Variants in CAMK4 observed in about 807,000 individuals in gnomAD.
CAMK4 encodes the protein calcium/calmodulin dependent protein kinase IV, also known as calcium/calmodulin-dependent protein kinase type IV.
In CAMK4, 22 loss-of-function variants were observed where a neutral mutation model predicts 44.9. The observed-to-expected ratio is 0.49, with a 90% CI of 0.35 to 0.70. The LOEUF (loss-of-function observed/expected upper bound fraction) is 0.70. Ranked by LOEUF, CAMK4 falls within the 30% of genes least tolerant of loss-of-function variation. The probability of loss-of-function intolerance (pLI) is 0.01; values close to 1 mark genes in which losing one functional copy is unlikely to be tolerated. For missense variants in CAMK4, 498 were observed against 586.8 expected (o/e 0.85, Z 1.56); for synonymous variants, 218 against 215.4 (o/e 1.01, Z -0.11).
intron 5 of CAMK4, among the ~76,000 whole-genome samples, chr5:111,430,119 A>G (rs1001605926): frequency 2.6e-5 from 4 of 152,232 alleles, no homozygotes; most frequent in African/African-American, 4.8e-5. Context: ...GTAATCCATC[A>G]TGACCAACTG....
At chr5:111,355,808 C>G (rs1342866675) in intron 2 of CAMK4, among the ~76,000 whole-genome samples, 2 of 149,314 alleles carry the variant, frequency 1.3e-5, no homozygotes, top group African/African-American at 4.9e-5. Flanking sequence ...CAATTTCATC[C>G]ATGTCCCTAC....
chr5:111,490,142 A>G lies in CAMK4; in HGVS notation c.*5676A>G, dbSNP rs1223501769. 1 of 152,184 alleles carries G rather than the reference A, an allele frequency of 6.6e-6. No individual in the cohort carries two copies. Among genetic ancestry groups the G allele is most frequent in the African/African-American group, 2.4e-5 (1 of 41,442 alleles). 9.4% of individuals were successfully genotyped at this position (152,184 alleles called of 1,614,324 possible). A position where few individuals can be genotyped will look rare whatever the true frequency, so the allele number is the denominator to read the frequency against. Reference sequence around the variant, plus strand: ...TGATTAATCTTTATTTTCCATTTAAAAGATTATTTCAGGCTACTTAAATAC... The same window carrying G: ...TGATTAATCTTTATTTTCCATTTAAGAGATTATTTCAGGCTACTTAAATAC... On this transcript the variant is annotated 3_prime_UTR_variant, in exon 11 of 11. Transcript: ENST00000282356.
At chr5:111,258,625 C>T (rs933360752) in intron 1 of CAMK4, among the ~76,000 whole-genome samples, 3 of 151,946 alleles carry the variant, frequency 2.0e-5, no homozygotes, top group Admixed American at 6.6e-5. Context: ...AGTTACCAAC[C>T]CCCTGCCCAG....
chr5:111,224,308 G>GC, upstream of CAMK4: 1 of 926,904 alleles, frequency 1.1e-6, no homozygotes. The surrounding 1 kb of genome is among the most constrained non-coding windows in gnomAD (Gnocchi z 5.7). Flanking sequence ...GCAGAGGCTC[G>GC]CCCCCTTCCC....
chr5:111,259,724 G>A (rs945153428), intron 1 of CAMK4, among the ~76,000 whole-genome samples: 7 of 152,142 alleles, frequency 4.6e-5, no homozygotes, highest in African/African-American at 1.4e-4. Flanking sequence ...AAGTTCCCCT[G>A]TATAAAACTA....
rs1755773228 is a variant in CAMK4 at position 111,490,329 on chromosome 5, C to G, written c.*5863C>G. The G allele has an allele frequency of 6.6e-6, 1 of 152,186 alleles. No individual in the cohort carries two copies. The highest frequency in any genetic ancestry group is 1.5e-5 in the Non-Finnish European group (1 of 68,060). 9.4% of individuals were successfully genotyped at this position (152,186 alleles called of 1,614,324 possible). A position where few individuals can be genotyped will look rare whatever the true frequency, so the allele number is the denominator to read the frequency against. ...AGGTACAGTTAAGCATAACTATAGG[C>G]TGGGCGTGATAGTTCATGCCTGTAA... On this transcript the variant is annotated 3_prime_UTR_variant, in exon 11 of 11. Transcript: ENST00000282356.
At chr5:111,362,851 T>G (rs1390253504) in intron 2 of CAMK4, among the ~76,000 whole-genome samples, 1 of 152,080 alleles carries the variant, frequency 6.6e-6, no homozygotes. Flanking sequence ...TAGAATTCTT[T>G]TCTGCTTACC....
intron 5 of CAMK4, among the ~76,000 whole-genome samples, chr5:111,408,113 A>G (rs1752502421): frequency 7.0e-6 from 1 of 143,586 alleles, no homozygotes; most frequent in South Asian, 2.1e-4. Flanking sequence ...CATCAAAGAA[A>G]GAAAGAGAGA....
At chr5:111,413,308 G>A (rs1267016393) in intron 5 of CAMK4, among the ~76,000 whole-genome samples, 1 of 152,236 alleles carries the variant, frequency 6.6e-6, no homozygotes, top group Non-Finnish European at 1.5e-5. Flanking sequence ...CCCGGGTGCA[G>A]TGGCTCACGC....
At chr5:111,437,194 G>A (rs1050311599) in intron 5 of CAMK4, among the ~76,000 whole-genome samples, 2 of 152,206 alleles carry the variant, frequency 1.3e-5, no homozygotes, top group African/African-American at 4.8e-5. Flanking sequence ...TTCTGCTAAA[G>A]ATGATGAAGT....
chr5:111,285,948 C>T (rs1751222859), intron 1 of CAMK4, among the ~76,000 whole-genome samples: 1 of 152,160 alleles, frequency 6.6e-6, no homozygotes, highest in Non-Finnish European at 1.5e-5. Flanking sequence ...TACTCATAGA[C>T]TTGCTGTTAG....
At chr5:111,361,187 GC>G (rs1750578167) in intron 2 of CAMK4, among the ~76,000 whole-genome samples, 1 of 151,930 alleles carries the variant, frequency 6.6e-6, no homozygotes, top group Non-Finnish European at 1.5e-5. Context: ...AATTGATGAA[GC>G]TTAAAATGTT....
chr5:111,250,926 G>A (rs932218443), intron 1 of CAMK4, among the ~76,000 whole-genome samples: 10 of 152,092 alleles, frequency 6.6e-5, no homozygotes, highest in Non-Finnish European at 1.5e-4. Flanking sequence ...AAAGCATTGG[G>A]ATTACAGGGA....
chr5:111,242,402 A>G (rs931390015), intron 1 of CAMK4, among the ~76,000 whole-genome samples: 2 of 152,180 alleles, frequency 1.3e-5, no homozygotes, highest in African/African-American at 2.4e-5. Context: ...ATAAAGGTTA[A>G]TAGGTATGAT....
chr5:111,373,998 G>A (rs895468232), intron 2 of CAMK4, among the ~76,000 whole-genome samples: 2 of 152,058 alleles, frequency 1.3e-5, no homozygotes, highest in Non-Finnish European at 1.5e-5. Flanking sequence ...GAACTAAATC[G>A]CCATTGTCCC....
intron 7 of CAMK4, among the ~76,000 whole-genome samples, chr5:111,463,145 A>G (rs1295353460): frequency 6.6e-6 from 1 of 152,220 alleles, no homozygotes; most frequent in Non-Finnish European, 1.5e-5. Context: ...TGGTAAGATA[A>G]TTTTAGGAAG....
Position 111,348,961 on chromosome 5 carries a change from T to TA in CAMK4, c.240+4860dup, listed in dbSNP as rs1749980621. Among the ~76,000 whole-genome samples, 3 of 152,072 alleles carry TA rather than the reference T, an allele frequency of 2.0e-5. No homozygotes were observed. The South Asian group carries it at 6.2e-4, about 31-fold the overall frequency. Reference sequence around the variant, plus strand: ...AGAAAATGATAACTGAACCACTTTTTATTGTATTGAAAAAACCCTGGATAT... The same window carrying TA: ...AGAAAATGATAACTGAACCACTTTTTAATTGTATTGAAAAAACCCTGGATAT... On this transcript the variant is annotated intron_variant, in intron 2 of 10. Coordinates refer to ENST00000282356, the MANE Select transcript of CAMK4 (RefSeq NM_001744.6).
intron 1 of CAMK4, among the ~76,000 whole-genome samples, chr5:111,308,975 C>A: frequency 6.6e-6 from 1 of 152,064 alleles, no homozygotes; most frequent in South Asian, 2.1e-4. Context: ...TCCTTTGTAC[C>A]ATAAACATGT....
At chr5:111,295,473 G>T (rs868203015) in intron 1 of CAMK4, among the ~76,000 whole-genome samples, 5 of 152,280 alleles carry the variant, frequency 3.3e-5, no homozygotes, top group Middle Eastern at 3.4e-3. Flanking sequence ...AGAATTATCA[G>T]TTTATCCTTT....
Sources: allele counts gnomAD v4.1 joint callset (sites outside exome capture counted in the v4.1 genomes callset), GRCh38; gene constraint gnomAD v4.1.1; non-coding constraint Gnocchi (gnomAD v3.1); transcripts MANE v1.5; gene names NCBI Gene and HGNC (gene_info 2026-07-23, HGNC 2026-07-21).